The following RAD18 variants were observed in gnomAD, a reference collection of about 807,000 sequenced individuals.
RAD18 encodes the protein RAD18 E3 ubiquitin protein ligase, also known as E3 ubiquitin-protein ligase RAD18.
RAD18 carries 47 observed loss-of-function variants against 60.4 expected under a neutral mutation model. The observed-to-expected ratio is 0.78, with a 90% CI of 0.62 to 0.99. RAD18 has a LOEUF of 0.99. RAD18 is among the 50% of genes least tolerant of loss of function. The probability of loss-of-function intolerance (pLI) is 0.00; values close to 1 mark genes in which losing one functional copy is unlikely to be tolerated. For synonymous variants in RAD18, 225 were observed against 195.5 expected (o/e 1.15, Z -1.26); for missense variants, 640 against 593.3 (o/e 1.08, Z -0.82).
intron 4 of RAD18, among the ~76,000 whole-genome samples, chr3:8,943,336 G>A (rs201854510): frequency 1.9e-4 from 29 of 149,878 alleles, no homozygotes; most frequent in Non-Finnish European, 2.2e-4. Flanking sequence ...ACATGTTAAA[G>A]AAAAAAAAAG....
intron 11 of RAD18, among the ~76,000 whole-genome samples, chr3:8,895,214 A>G (rs1313427968): frequency 6.6e-6 from 1 of 152,206 alleles, no homozygotes; most frequent in Non-Finnish European, 1.5e-5. Flanking sequence ...AAAAAAGGCT[A>G]TAATAAAATA....
intron 7 of RAD18, among the ~76,000 whole-genome samples, chr3:8,928,024 C>A (rs1182387650): frequency 1.4e-5 from 2 of 142,816 alleles, no homozygotes; most frequent in Non-Finnish European, 3.0e-5. Context: ...CAAACCTGCA[C>A]GTTGTGCACA....
At chr3:8,936,175 T>C (rs1282534127) in intron 6 of RAD18, 120 bp from the exon 7 acceptor site, 1 of 970,832 alleles carries the variant, frequency 1.0e-6, no homozygotes, top group Non-Finnish European at 1.5e-6. Context: ...AACCATTAGA[T>C]TAAAAAGGGG....
intron 7 of RAD18, among the ~76,000 whole-genome samples, chr3:8,924,461 T>C (rs1251996792): frequency 7.8e-6 from 1 of 128,404 alleles, no homozygotes; most frequent in Non-Finnish European, 1.7e-5. Context: ...ACAATAATAA[T>C]GGGAGACTTT....
At position 8,881,176 on chromosome 3, in the gene RAD18, A is replaced by C; in HGVS notation, c.*181T>G. 1 of 570,870 alleles carries C rather than the reference A, an allele frequency of 1.8e-6. No homozygotes were observed. Among genetic ancestry groups the C allele is most frequent in the Admixed American group, 3.4e-5 (1 of 29,122 alleles). 35.4% of individuals were successfully genotyped at this position (570,870 alleles called of 1,614,324 possible). ...TTTAGAGGCAGGAGGCAACTGACCA[A>C]GTAAGGATATTTTGTAACATTTTTC... On this transcript the variant is annotated 3_prime_UTR_variant, in exon 13 of 13. Coordinates refer to ENST00000264926, the MANE Select transcript of RAD18 (RefSeq NM_020165.4).
chr3:8,879,452 C>T lies in RAD18; in HGVS notation c.*1905G>A, dbSNP rs144160507. On this transcript the variant is annotated 3_prime_UTR_variant, in exon 13 of 13. Coordinates refer to ENST00000264926, the MANE Select transcript of RAD18 (RefSeq NM_020165.4). Reference sequence around the variant, plus strand: ...ATGAGTGGAAGCCAAGGAGAGAGGCCGAAGAAGAAACCCTACTGATCTTGG... The same window carrying T: ...ATGAGTGGAAGCCAAGGAGAGAGGCTGAAGAAGAAACCCTACTGATCTTGG... 441 of 152,378 alleles carry T rather than the reference C, an allele frequency of 2.9e-3. 5 individuals carry two copies. The highest frequency in any genetic ancestry group is 0.01 in the African/African-American group (417 of 41,536). 9.4% of individuals were successfully genotyped at this position (152,378 alleles called of 1,614,324 possible). A position where few individuals can be genotyped will look rare whatever the true frequency, so the allele number is the denominator to read the frequency against.
chr3:8,913,560 T>C, intron 8 of RAD18, 84 bp downstream of exon 8: 4 of 1,016,218 alleles, frequency 3.9e-6, no homozygotes, highest in Non-Finnish European at 4.1e-6. Context: ...AATGAATAAA[T>C]TTAATAATGG....
intron 7 of RAD18, among the ~76,000 whole-genome samples, chr3:8,929,233 G>A (rs993295477): frequency 1.3e-5 from 2 of 151,820 alleles, no homozygotes; most frequent in African/African-American, 2.4e-5. Flanking sequence ...ATAAAAGACT[G>A]GAATTCAATG....
chr3:8,895,330 C>G (rs1440907562), intron 11 of RAD18, among the ~76,000 whole-genome samples: 3 of 152,178 alleles, frequency 2.0e-5, no homozygotes. Flanking sequence ...TTTCCAACAG[C>G]AATTATGAAG....
chr3:8,946,485 G>A (rs986089573), intron 4 of RAD18, among the ~76,000 whole-genome samples: 5 of 152,180 alleles, frequency 3.3e-5, no homozygotes, highest in Non-Finnish European at 5.9e-5. Flanking sequence ...AAACCAGTAC[G>A]TCCTTCATAA....
At chr3:8,961,674 G>T (rs969976847) in intron 1 of RAD18, among the ~76,000 whole-genome samples, 1 of 152,086 alleles carries the variant, frequency 6.6e-6, no homozygotes, top group Admixed American at 6.5e-5. Context: ...ATACTGAAAG[G>T]GGCTGGTTTT....
chr3:8,942,082 A>C (rs985786614), intron 4 of RAD18, among the ~76,000 whole-genome samples: 2 of 152,174 alleles, frequency 1.3e-5, no homozygotes, highest in African/African-American at 2.4e-5. Context: ...GTAACTTTAA[A>C]ATCCGAACAA....
chr3:8,883,425 G>T (rs968659362), intron 12 of RAD18, among the ~76,000 whole-genome samples: 5 of 152,150 alleles, frequency 3.3e-5, no homozygotes, highest in Non-Finnish European at 7.4e-5. Flanking sequence ...ATTCTTTGTT[G>T]TATATGGCAA....
At chr3:8,904,251 C>T (rs575905683) in intron 9 of RAD18, among the ~76,000 whole-genome samples, 12 of 152,248 alleles carry the variant, frequency 7.9e-5, no homozygotes, top group African/African-American at 2.9e-4. Flanking sequence ...AATAAAAACA[C>T]ATGTTCATTT....
At chr3:8,928,555 C>T (rs910298956) in intron 7 of RAD18, among the ~76,000 whole-genome samples, 2 of 151,898 alleles carry the variant, frequency 1.3e-5, no homozygotes, top group Admixed American at 6.6e-5. Flanking sequence ...GACATATATG[C>T]CATAATAATA....
chr3:8,963,189 GCTA>G, intron 1 of RAD18, 143 bp downstream of exon 1: 2 of 855,570 alleles, frequency 2.3e-6, no homozygotes, highest in Non-Finnish European at 3.5e-6. Context: ...CACGCGGTCG[GCTA>G]GTGGCAGGGC....
chr3:8,885,834 A>G (rs961153027), intron 12 of RAD18, among the ~76,000 whole-genome samples: 7 of 152,234 alleles, frequency 4.6e-5, no homozygotes, highest in African/African-American at 1.7e-4. Context: ...ATTTAAATAT[A>G]TTACAGTTAG....
intron 9 of RAD18, among the ~76,000 whole-genome samples, chr3:8,912,007 T>C (rs1940112753): frequency 6.6e-6 from 1 of 152,086 alleles, no homozygotes; most frequent in African/African-American, 2.4e-5. Flanking sequence ...CAGGATAGAG[T>C]CCCGAATGTT....
intron 7 of RAD18, among the ~76,000 whole-genome samples, chr3:8,926,517 T>C (rs988434525): frequency 1.1e-4 from 17 of 152,258 alleles, no homozygotes; most frequent in Non-Finnish European, 2.1e-4. Context: ...CCATCCCCAT[T>C]AAGCTACCAA....
Sources: allele counts gnomAD v4.1 joint callset (sites outside exome capture counted in the v4.1 genomes callset), GRCh38; gene constraint gnomAD v4.1.1; transcripts MANE v1.5; gene names NCBI Gene and HGNC (gene_info 2026-07-23, HGNC 2026-07-21).